Variants in COL6A5 observed in about 807,000 individuals in gnomAD.
COL6A5 encodes the protein collagen type VI alpha 5 chain, also known as collagen alpha-5(VI) chain.
Under a neutral mutation model 65.6 loss-of-function variants are expected in COL6A5, and 48 were observed. The observed-to-expected ratio is 0.73, with a 90% CI of 0.58 to 0.93. The LOEUF (loss-of-function observed/expected upper bound fraction) is 0.93, where lower values mean the gene tolerates loss of function less well. COL6A5 is among the 40% of genes least tolerant of loss of function. The pLI, the probability that COL6A5 is intolerant of heterozygous loss-of-function variation, is 0.00. For missense variants in COL6A5, 914 were observed against 928.3 expected, an observed-to-expected ratio of 0.98 and a Z score of 0.20; for synonymous variants, 291 against 322.8, an observed-to-expected ratio of 0.90 and a Z score of 1.05.
At chr3:130,428,916 G>T (rs1188777162), upstream of COL6A5, among the ~76,000 whole-genome samples, 2 of 152,088 alleles carry the variant, frequency 1.3e-5, no homozygotes, top group African/African-American at 2.4e-5. Flanking sequence ...CCTAGGAATC[G>T]AGTGAAATGA....
At chr3:130,365,897 C>G (rs572260123) in intron 1 of COL6A5, among the ~76,000 whole-genome samples, 16 of 152,060 alleles carry the variant, frequency 1.1e-4, no homozygotes, top group Non-Finnish European at 2.4e-4. Flanking sequence ...AGTGTGCAGC[C>G]AAAATTGAGA....
chr3:130,437,409 C>T (rs953205267), intron 1 of COL6A5, among the ~76,000 whole-genome samples: 4 of 152,240 alleles, frequency 2.6e-5, no homozygotes, highest in African/African-American at 9.6e-5. Context: ...CCATTATCTT[C>T]TGCCTAGACT....
intron 4 of COL6A5, among the ~76,000 whole-genome samples, chr3:130,448,574 C>G (rs1026217220): frequency 6.6e-6 from 1 of 152,122 alleles, no homozygotes; most frequent in Non-Finnish European, 1.5e-5. Context: ...GAATTGTACC[C>G]TGAGTGATGT....
intron 1 of COL6A5, among the ~76,000 whole-genome samples, chr3:130,347,134 C>T (rs1220478134): frequency 6.6e-6 from 1 of 152,090 alleles, no homozygotes; most frequent in Non-Finnish European, 1.5e-5. Flanking sequence ...AATATGAAAT[C>T]TAAATCCACT....
chr3:130,360,579 C>A (rs1935072828), intron 1 of COL6A5, among the ~76,000 whole-genome samples: 1 of 152,104 alleles, frequency 6.6e-6, no homozygotes, highest in Non-Finnish European at 1.5e-5. Flanking sequence ...TGAAAGCAGT[C>A]CATGCAGCCA....
chr3:130,385,035 A>G (rs770935656), exon 5 of COL6A5: 5 of 1,550,894 alleles, frequency 3.2e-6, no homozygotes, highest in South Asian at 1.2e-5. Context: ...GCTATTTTTA[A>G]CATTAAGCAA....
chr3:130,398,128 G>GTTTTTT lies in COL6A5; in HGVS notation c.3991+32_3991+37dup, dbSNP rs35177024. On this transcript the variant is annotated intron_variant and NMD_transcript_variant, in intron 10 of 41. Coordinates refer to the COL6A5 transcript ENST00000312481. ...GAGAAGCAGGTATTGAGTTGTTGTT[G>GTTTTTT]TTTTTTTTTTTTTTTTTTTTGAGAT... 442 of 905,938 alleles carry GTTTTTT rather than the reference G, an allele frequency of 4.9e-4. No individual in the cohort carries two copies. Among genetic ancestry groups the GTTTTTT allele is most frequent in the Middle Eastern group, 7.1e-4 (2 of 2,834 alleles). 56.1% of individuals were successfully genotyped at this position (905,938 alleles called of 1,614,324 possible). A position where few individuals can be genotyped will look rare whatever the true frequency, so the allele number is the denominator to read the frequency against.
chr3:130,451,323 G>C (rs1293073597), intron 4 of COL6A5, among the ~76,000 whole-genome samples: 1 of 152,104 alleles, frequency 6.6e-6, no homozygotes, highest in Non-Finnish European at 1.5e-5. Context: ...GTATAGATAA[G>C]GGAAACTGAG....
chr3:130,457,295 T>G (rs571235011), intron 5 of COL6A5, among the ~76,000 whole-genome samples: 1 of 152,236 alleles, frequency 6.6e-6, no homozygotes, highest in Admixed American at 6.5e-5. Context: ...TTGTTAGAGC[T>G]AAGCATTCCA....
intron 23 of COL6A5, 147 bp from the exon 24 acceptor site, chr3:130,416,610 G>C (rs1348737522): frequency 7.8e-6 from 5 of 639,168 alleles, no homozygotes; most frequent in South Asian, 7.5e-5. Context: ...TCTGCCATCT[G>C]CTTCTCTCCT....
At chr3:130,402,708 A>C (rs1936856763) in intron 12 of COL6A5, among the ~76,000 whole-genome samples, 1 of 152,166 alleles carries the variant, frequency 6.6e-6, no homozygotes, top group African/African-American at 2.4e-5. Flanking sequence ...ATAATGCTCT[A>C]TTTCTTGACC....
At chr3:130,467,217 T>G (rs2107612276) in intron 5 of COL6A5, among the ~76,000 whole-genome samples, 1 of 152,058 alleles carries the variant, frequency 6.6e-6, no homozygotes, top group Non-Finnish European at 1.5e-5. Flanking sequence ...TTGGGATATC[T>G]GCGAATAACA....
intron 7 of COL6A5, among the ~76,000 whole-genome samples, chr3:130,473,584 C>T (rs1710014108): frequency 6.6e-6 from 1 of 152,002 alleles, no homozygotes; most frequent in East Asian, 1.9e-4. Context: ...CTCAGTATAC[C>T]ACTGGAGGCT....
intron 27 of COL6A5, 30 bp downstream of exon 27, chr3:130,421,390 C>T: frequency 6.5e-7 from 1 of 1,547,930 alleles, no homozygotes; most frequent in Non-Finnish European, 8.7e-7. Context: ...TTGAAATTAC[C>T]ATGATCTTAA....
intron 12 of COL6A5, among the ~76,000 whole-genome samples, chr3:130,402,749 T>A (rs1449384654): frequency 2.6e-5 from 4 of 152,148 alleles, no homozygotes; most frequent in Non-Finnish European, 5.9e-5. Flanking sequence ...CTTATATATA[T>A]AAAAATTATA....
intron 8 of COL6A5, 72 bp from the exon 9 acceptor site, chr3:130,397,511 C>CT (rs2107659732): frequency 7.9e-7 from 1 of 1,260,262 alleles, no homozygotes. Flanking sequence ...GACAGTGCTC[C>CT]TTTTTTCTGC....
rs113121144 is a variant in COL6A5, at chr3:130,450,980, C to T, written c.1333-4475C>T. ...TGACCACCAGGTATGAAATTGTAAA[C>T]GCTGAGATGGGGTTAGAACAGCTTT... is the stretch of plus-strand genomic sequence containing the variant. On this transcript the variant is annotated intron_variant, in intron 4 of 7. Coordinates refer to ENST00000512836, the Ensembl canonical transcript of COL6A5. Among the ~76,000 whole-genome samples, 778 of 152,150 alleles carry T rather than the reference C, an allele frequency of 5.1e-3. 9 individuals carry two copies. Among genetic ancestry groups the T allele is most frequent in the African/African-American group, 0.017 (702 of 41,504 alleles).
At chr3:130,448,525 C>T (rs187703807) in intron 4 of COL6A5, among the ~76,000 whole-genome samples, 1 of 152,226 alleles carries the variant, frequency 6.6e-6, no homozygotes, top group African/African-American at 2.4e-5. Context: ...CATTGTTTAT[C>T]GACCACCATT....
chr3:130,362,252 T>TTCTCTCTCTC (rs373519002), intron 1 of COL6A5, among the ~76,000 whole-genome samples: 69,834 of 114,216 alleles, frequency 0.61, 24,918 homozygotes, highest in Non-Finnish European at 0.78. Flanking sequence ...TAAGGTTTCT[T>TTCTCTCTCTC]TCTCTCTCTC....
Sources: gnomAD v4.1 joint callset for allele counts (sites outside exome capture counted in the v4.1 genomes callset) on GRCh38, gnomAD v4.1.1 for gene constraint, MANE v1.5 for transcripts, NCBI Gene and HGNC (gene_info 2026-07-23, HGNC 2026-07-21) for gene names.